Variants in ARMH4 observed in about 807,000 individuals in gnomAD.
ARMH4 encodes armadillo like helical domain containing 4, also known as armadillo-like helical domain-containing protein 4.
Under a neutral mutation model 61.9 loss-of-function variants are expected in ARMH4, and 49 were observed. That is an observed-to-expected ratio of 0.79 (90% CI 0.63 to 1.00). The LOEUF (loss-of-function observed/expected upper bound fraction) is 1.00. Ranked by LOEUF, ARMH4 falls within the 50% of genes least tolerant of loss-of-function variation. The pLI is 0.00. For synonymous variants in ARMH4, 368 were observed against 341.5 expected (o/e 1.08, Z -0.85); for missense variants, 934 against 930.0 (o/e 1.00, Z -0.06).
chr14:58,016,276 T>C (rs1882609882), intron 5 of ARMH4, among the ~76,000 whole-genome samples: 1 of 152,176 alleles, frequency 6.6e-6, no homozygotes, highest in Admixed American at 6.5e-5. Context: ...AGGTTATGTC[T>C]ATAGAGTATT....
At chr14:58,108,561 A>G (rs969548776) in intron 4 of ARMH4, among the ~76,000 whole-genome samples, 1 of 152,216 alleles carries the variant, frequency 6.6e-6, no homozygotes, top group Admixed American at 6.5e-5. Flanking sequence ...TTGTTGTACA[A>G]AACACTAGTT....
intron 5 of ARMH4, among the ~76,000 whole-genome samples, chr14:58,027,820 C>G (rs542669480): frequency 1.1e-4 from 17 of 152,170 alleles, no homozygotes; most frequent in Admixed American, 9.8e-4. Context: ...CCAAACTCAT[C>G]GAGTTGTATA....
At position 58,139,679 on chromosome 14, in the gene ARMH4, C is replaced by T. The variant is rs550704716; in HGVS notation, c.-56-265G>A. On this transcript the variant is annotated intron_variant, in intron 1 of 7. Transcript: ENST00000267485. ...TATTAAGTTCGTTGTTTCTTAAATA[C>T]CTACTTGAAATAATTTACCCTTGAA... Among the ~76,000 whole-genome samples the T allele has an allele frequency of 7.0e-4, 106 of 152,278 alleles. 1 individual carries two copies. The highest frequency in any genetic ancestry group is 5.0e-3 in the South Asian group (24 of 4,822).
chr14:58,087,422 C>CTT (rs747316038), intron 5 of ARMH4, among the ~76,000 whole-genome samples: 6 of 152,152 alleles, frequency 3.9e-5, no homozygotes, highest in Non-Finnish European at 8.8e-5. Context: ...TCTGGACATA[C>CTT]TAAATTCTCA....
At chr14:58,064,907 G>A (rs1362742592) in intron 5 of ARMH4, among the ~76,000 whole-genome samples, 2 of 152,154 alleles carry the variant, frequency 1.3e-5, no homozygotes, top group Admixed American at 6.6e-5. Flanking sequence ...GGTAATGCTG[G>A]ATCTTGTAGG....
Position 58,022,682 on chromosome 14 carries a change from C to A in ARMH4, c.2090-10532G>T, listed in dbSNP as rs554497393. On this transcript the variant is annotated intron_variant, in intron 5 of 7. Coordinates refer to ENST00000267485, the MANE Select transcript of ARMH4 (RefSeq NM_001001872.4). ...CCCAAATAAACTCCTTATACCCAATCCTGTCACAGGGTCTACTTTTAGGGA... is the reference window on the plus strand; with the variant it reads ...CCCAAATAAACTCCTTATACCCAATACTGTCACAGGGTCTACTTTTAGGGA... 7.0e-4 allele frequency among the ~76,000 whole-genome samples: 107 copies of A among 152,312 alleles called. 1 individual carries two copies. The highest frequency in any genetic ancestry group is 2.5e-3 in the African/African-American group (105 of 41,576).
At chr14:58,099,397 A>G (rs1413399518) in intron 4 of ARMH4, among the ~76,000 whole-genome samples, 2 of 152,154 alleles carry the variant, frequency 1.3e-5, no homozygotes, top group Admixed American at 6.5e-5. Context: ...AAATCCAAGA[A>G]GTGTGTGGTG....
intron 1 of ARMH4, among the ~76,000 whole-genome samples, chr14:58,148,979 T>C (rs1183515109): frequency 6.6e-6 from 1 of 152,180 alleles, no homozygotes; most frequent in Non-Finnish European, 1.5e-5. Flanking sequence ...AGTGATTCTC[T>C]GATGAGGGGG....
At chr14:58,066,924 T>G (rs1031930885) in intron 5 of ARMH4, among the ~76,000 whole-genome samples, 1 of 152,208 alleles carries the variant, frequency 6.6e-6, no homozygotes, top group African/African-American at 2.4e-5. Context: ...TACTACTAAT[T>G]TTAGCAGATC....
rs184676452 is a variant in ARMH4, at chr14:58,029,295, G to A, written c.2090-17145C>T. 3.6e-3 allele frequency among the ~76,000 whole-genome samples: 546 copies of A among 151,630 alleles called. 2 individuals are homozygous for A. Among genetic ancestry groups the A allele is most frequent in the African/African-American group, 0.012 (497 of 41,292 alleles). On this transcript the variant is annotated intron_variant, in intron 5 of 7. Transcript: ENST00000267485. Reference sequence around the variant, plus strand: ...GTTGCCCAGGTTGGAGTGCAATGGCGCAATCTCGGCTCACCACAACCTCCG... The same window carrying A: ...GTTGCCCAGGTTGGAGTGCAATGGCACAATCTCGGCTCACCACAACCTCCG...
At position 58,012,148 on chromosome 14, in the gene ARMH4, T is replaced by G; in HGVS notation, c.2092A>C (p.Arg698=). 7.1e-7 allele frequency: 1 copy of G among 1,406,874 alleles called. No individual in the cohort carries two copies. Among genetic ancestry groups the G allele is most frequent in the Non-Finnish European group, 9.7e-7 (1 of 1,035,012 alleles). The allele number at this position is 1,406,874 out of a possible 1,614,324, so 87.1% of individuals were successfully genotyped here. ...TCTTTTAATTTTTCCATCCAGCTTC[T>G]CACTAGGAAAAAAATAAGATAATAA... ...EWEQQNQGLV[R]SWMEKLKDKA... The change falls in exon 6 of 8, where the codon AGA becomes CGA. Residue 698 remains arginine (R), a splice_region_variant and synonymous_variant. Transcript: ENST00000267485.
chr14:58,087,780 TC>T (rs1209743753), intron 5 of ARMH4, among the ~76,000 whole-genome samples: 2 of 152,190 alleles, frequency 1.3e-5, no homozygotes, highest in Non-Finnish European at 2.9e-5. Flanking sequence ...ATGCCATCAA[TC>T]CTTTCCTCTT....
intron 5 of ARMH4, among the ~76,000 whole-genome samples, chr14:58,091,042 C>T (rs1885545701): frequency 6.6e-6 from 1 of 151,602 alleles, no homozygotes; most frequent in Non-Finnish European, 1.5e-5. Flanking sequence ...CATGGCGAAA[C>T]CTCATCTCTA....
At position 58,011,817 on chromosome 14, in the gene ARMH4, A is replaced by G. The variant is rs1882420392; in HGVS notation, c.2121+302T>C. Among the ~76,000 whole-genome samples, 2 of 151,804 alleles carry G rather than the reference A, an allele frequency of 1.3e-5. 1 individual carries two copies. The highest frequency in any genetic ancestry group is 4.2e-4 in the South Asian group (2 of 4,818). On this transcript the variant is annotated intron_variant, in intron 6 of 7. Coordinates refer to ENST00000267485, the MANE Select transcript of ARMH4 (RefSeq NM_001001872.4). Reference sequence around the variant, plus strand: ...TGAGATGACAATCCTGAAATTCCCAAAAAGAAACTTCACCTTGATATGTCA... The same window carrying G: ...TGAGATGACAATCCTGAAATTCCCAGAAAGAAACTTCACCTTGATATGTCA...
At chr14:58,020,666 T>C (rs1822328698) in intron 5 of ARMH4, among the ~76,000 whole-genome samples, 1 of 152,168 alleles carries the variant, frequency 6.6e-6, no homozygotes, top group South Asian at 2.1e-4. Context: ...ATCTCTTAGT[T>C]CCATGTTCGC....
At chr14:58,103,051 T>C (rs530123644) in intron 4 of ARMH4, among the ~76,000 whole-genome samples, 4 of 151,684 alleles carry the variant, frequency 2.6e-5, no homozygotes, top group South Asian at 4.2e-4. Context: ...GAGAATTGCT[T>C]GAACCCGGGA....
intron 5 of ARMH4, among the ~76,000 whole-genome samples, chr14:58,054,883 A>AAAAAAT (rs374230526): frequency 1.4e-3 from 197 of 138,448 alleles, no homozygotes; most frequent in Admixed American, 2.8e-3. Flanking sequence ...AAAAAAAAAA[A>AAAAAAT]AATAATAATA....
At chr14:58,064,705 A>AT (rs994984809) in intron 5 of ARMH4, among the ~76,000 whole-genome samples, 1 of 152,166 alleles carries the variant, frequency 6.6e-6, no homozygotes, top group African/African-American at 2.4e-5. Flanking sequence ...GGTGCCATTG[A>AT]TTTTTTGAAA....
chr14:58,045,150 G>C (rs555113954), intron 5 of ARMH4, among the ~76,000 whole-genome samples: 1 of 152,308 alleles, frequency 6.6e-6, no homozygotes, highest in African/African-American at 2.4e-5. Flanking sequence ...CTGCTATAAA[G>C]ACACATGCAC....
Sources: gnomAD v4.1 joint callset for allele counts (sites outside exome capture counted in the v4.1 genomes callset) on GRCh38, gnomAD v4.1.1 for gene constraint, MANE v1.5 for transcripts, NCBI Gene and HGNC (gene_info 2026-07-23, HGNC 2026-07-21) for gene names.